The following LAMA2 variants were observed in gnomAD, a reference collection of about 807,000 sequenced individuals.
LAMA2 encodes the protein laminin subunit alpha-2.
LAMA2 carries 269 observed loss-of-function variants against 364.8 expected under a neutral mutation model. The ratio of observed to expected loss-of-function variants is 0.74; its 90% CI spans 0.67 to 0.82. The LOEUF (loss-of-function observed/expected upper bound fraction) is 0.82. Ranked by LOEUF, LAMA2 falls within the 40% of genes least tolerant of loss-of-function variation. The pLI, the probability that LAMA2 is intolerant of heterozygous loss-of-function variation, is 0.00. For synonymous variants in LAMA2, 1,379 were observed against 1,370.6 expected (o/e 1.01, Z -0.14); for missense variants, 3,807 against 3,873.2 (o/e 0.98, Z 0.45).
chr6:129,061,361 G>A (rs746360211), intron 3 of LAMA2, among the ~76,000 whole-genome samples: 4 of 152,084 alleles, frequency 2.6e-5, no homozygotes, highest in Non-Finnish European at 5.9e-5. Context: ...ATAGAACAAT[G>A]GGGTCAATTA....
intron 4 of LAMA2, among the ~76,000 whole-genome samples, chr6:129,106,420 G>A (rs1775828075): frequency 6.6e-6 from 1 of 152,128 alleles, no homozygotes; most frequent in South Asian, 2.1e-4. Flanking sequence ...TGAGGGAATG[G>A]AAATGAAGAC....
intron 32 of LAMA2, among the ~76,000 whole-genome samples, chr6:129,365,892 G>A (rs1777745248): frequency 6.6e-6 from 1 of 152,064 alleles, no homozygotes; most frequent in Non-Finnish European, 1.5e-5. Context: ...TACTTTTAAT[G>A]TTATATTCTA....
chr6:129,230,935 T>C (rs1261968393), intron 12 of LAMA2, among the ~76,000 whole-genome samples: 1 of 152,114 alleles, frequency 6.6e-6, no homozygotes, highest in Non-Finnish European at 1.5e-5. Flanking sequence ...CTTTCTTTTA[T>C]AGGACTATAC....
At chr6:128,976,101 A>T (rs1782513805) in intron 1 of LAMA2, among the ~76,000 whole-genome samples, 1 of 152,236 alleles carries the variant, frequency 6.6e-6, no homozygotes, top group South Asian at 2.1e-4. Flanking sequence ...GGCCTGAACT[A>T]AGATGGTGGC....
intron 10 of LAMA2, among the ~76,000 whole-genome samples, chr6:129,183,872 T>C (rs1276755388): frequency 6.6e-6 from 1 of 151,866 alleles, no homozygotes; most frequent in Non-Finnish European, 1.5e-5. Context: ...CATTGCACAA[T>C]AAGAAGATAA....
At chr6:129,245,197 G>A (rs1053141628) in intron 12 of LAMA2, among the ~76,000 whole-genome samples, 3 of 152,060 alleles carry the variant, frequency 2.0e-5, no homozygotes, top group Non-Finnish European at 2.9e-5. Context: ...CTTATGAAAT[G>A]GAATGAACCG....
intron 29 of LAMA2, among the ~76,000 whole-genome samples, chr6:129,329,374 T>C (rs1775489923): frequency 6.6e-6 from 1 of 152,066 alleles, no homozygotes; most frequent in African/African-American, 2.4e-5. Context: ...TTGTTTTTTT[T>C]TTCCCCTGAG....
chr6:129,490,932 G>A (rs920265854), intron 56 of LAMA2: 1 of 152,064 alleles, frequency 6.6e-6, no homozygotes, highest in Non-Finnish European at 1.5e-5. Context: ...TATCTTACTT[G>A]TAAAGTGCCA....
intron 45 of LAMA2, among the ~76,000 whole-genome samples, chr6:129,452,554 T>A (rs1228489569): frequency 3.9e-5 from 6 of 152,122 alleles, no homozygotes; most frequent in African/African-American, 1.4e-4. Flanking sequence ...TCTTGAAAAC[T>A]AAAAGAAAAA....
Position 129,148,999 on chromosome 6 carries a change from G to A in LAMA2, c.930G>A (p.Glu310=), listed in dbSNP as rs2114967808. The change falls in exon 7 of 65, where the codon GAG becomes GAA. Residue 310 remains glutamate (E), a synonymous_variant. Transcript: ENST00000421865. The stretch of plus-strand genomic sequence containing the variant: ...ACTAGAAATCTCGCTGTGAGTGTGA[G>A]CATAACACATGTGGCGATAGCTGTG... ...PATNKSRCEC[E]HNTCGDSCDQ... 6.2e-7 allele frequency: 1 copy of A among 1,613,014 alleles called. No homozygotes were observed. The highest frequency in any genetic ancestry group is 2.2e-5 in the East Asian group (1 of 44,858).
intron 4 of LAMA2, among the ~76,000 whole-genome samples, chr6:129,110,944 T>C (rs1450110227): frequency 1.3e-5 from 2 of 152,002 alleles, no homozygotes; most frequent in African/African-American, 4.8e-5. Flanking sequence ...TAATGTACTA[T>C]TATCATTATG....
chr6:129,004,891 G>T (rs1315086092), intron 1 of LAMA2, among the ~76,000 whole-genome samples: 1 of 151,860 alleles, frequency 6.6e-6, no homozygotes, highest in Non-Finnish European at 1.5e-5. Flanking sequence ...TATATATATA[G>T]TTAGGGCTTG....
intron 1 of LAMA2, among the ~76,000 whole-genome samples, chr6:128,911,051 A>G (rs972582145): frequency 1.6e-4 from 25 of 151,816 alleles, no homozygotes; most frequent in Non-Finnish European, 3.5e-4. Flanking sequence ...GCTGTCAGAC[A>G]GGGACATTTA....
At chr6:128,980,744 A>C (rs760753481) in intron 1 of LAMA2, among the ~76,000 whole-genome samples, 10 of 152,190 alleles carry the variant, frequency 6.6e-5, no homozygotes, top group South Asian at 2.1e-4. Flanking sequence ...AGTGAACTGC[A>C]TGTCCATTTT....
intron 1 of LAMA2, among the ~76,000 whole-genome samples, chr6:128,998,706 G>A (rs1364224361): frequency 2.6e-5 from 1 of 38,430 alleles, no homozygotes; most frequent in Non-Finnish European, 4.8e-5. Context: ...AAGAAACGGC[G>A]CACCACGAGA....
At chr6:129,425,667 A>C (rs1562552440) in intron 40 of LAMA2, among the ~76,000 whole-genome samples, 3 of 152,062 alleles carry the variant, frequency 2.0e-5, no homozygotes, top group Non-Finnish European at 4.4e-5. Context: ...TCCCACTTAT[A>C]AATGAGAACA....
At chr6:129,339,054 G>C (rs538808244) in intron 29 of LAMA2, among the ~76,000 whole-genome samples, 2 of 152,232 alleles carry the variant, frequency 1.3e-5, no homozygotes, top group African/African-American at 2.4e-5. Flanking sequence ...GGGAGCTAGT[G>C]TAGGCTTTCA....
chr6:129,422,290 GA>G (rs201559586), intron 40 of LAMA2, among the ~76,000 whole-genome samples: 29 of 151,002 alleles, frequency 1.9e-4, no homozygotes, highest in East Asian at 3.9e-4. Flanking sequence ...AAAAAGCAGG[GA>G]AAAAAAAATT....
intron 1 of LAMA2, among the ~76,000 whole-genome samples, chr6:128,976,146 T>C (rs1344657070): frequency 1.3e-5 from 2 of 152,096 alleles, no homozygotes; most frequent in Non-Finnish European, 2.9e-5. Context: ...ACTGACAGGA[T>C]TTTTTTTGTA....
Sources: allele counts gnomAD v4.1 joint callset (sites outside exome capture counted in the v4.1 genomes callset), GRCh38; gene constraint gnomAD v4.1.1; transcripts MANE v1.5; gene names NCBI Gene and HGNC (gene_info 2026-07-23, HGNC 2026-07-21).